MAML2: variants seen among roughly 807,000 people sequenced by gnomAD.
MAML2 encodes the protein mastermind-like protein 2.
A neutral mutation model predicts 96.1 loss-of-function variants in MAML2; 22 were observed. That is an observed-to-expected ratio of 0.23 (90% confidence interval 0.16 to 0.33). The LOEUF is 0.33. Ranked by LOEUF, MAML2 falls within the 10% of genes least tolerant of loss-of-function variation. MAML2 has a pLI of 1.00. For synonymous variants in MAML2, 561 were observed against 521.3 expected, an observed-to-expected ratio of 1.08 and a Z score of -1.04; for missense variants, 1,367 against 1,392.4, an observed-to-expected ratio of 0.98 and a Z score of 0.29.
At chr11:96,148,869 T>A (rs1860868688) in intron 1 of MAML2, among the ~76,000 whole-genome samples, 2 of 152,192 alleles carry the variant, frequency 1.3e-5, no homozygotes, top group Non-Finnish European at 2.9e-5. Flanking sequence ...CATCTACATT[T>A]TGACGAATGG....
intron 1 of MAML2, among the ~76,000 whole-genome samples, chr11:96,190,869 G>A (rs1489985841): frequency 1.3e-5 from 2 of 152,122 alleles, no homozygotes; most frequent in Non-Finnish European, 2.9e-5. Flanking sequence ...TGGGGTACAG[G>A]GAGTTTTAGC....
intron 2 of MAML2, among the ~76,000 whole-genome samples, chr11:96,035,087 G>C (rs919837932): frequency 1.3e-5 from 2 of 152,194 alleles, no homozygotes; most frequent in Non-Finnish European, 2.9e-5. Context: ...TGAGGAAGTG[G>C]AGGTGGAATT....
intron 1 of MAML2, among the ~76,000 whole-genome samples, chr11:96,336,944 AC>A (rs1192685399): frequency 6.6e-6 from 1 of 152,192 alleles, no homozygotes; most frequent in Non-Finnish European, 1.5e-5. Context: ...CCTTCTATAA[AC>A]AAACATTGTC....
intron 1 of MAML2, among the ~76,000 whole-genome samples, chr11:96,279,322 G>T (rs1035600454): frequency 1.3e-5 from 2 of 152,292 alleles, no homozygotes; most frequent in South Asian, 2.1e-4. Flanking sequence ...TAATATTTTC[G>T]TTATAAGGAG....
intron 1 of MAML2, among the ~76,000 whole-genome samples, chr11:96,250,213 G>A (rs36068004): frequency 0.014 from 2,061 of 151,434 alleles, 10 homozygotes; most frequent in Non-Finnish European, 0.022. Context: ...CAAATTATCT[G>A]CTTTTCTTTT....
At chr11:96,109,509 G>A (rs1480116794) in intron 1 of MAML2, among the ~76,000 whole-genome samples, 1 of 152,216 alleles carries the variant, frequency 6.6e-6, no homozygotes, top group African/African-American at 2.4e-5. Context: ...GGCTAAGGTG[G>A]TAGCAGCAGA....
At chr11:96,070,353 C>T (rs972063374) in intron 2 of MAML2, among the ~76,000 whole-genome samples, 4 of 152,182 alleles carry the variant, frequency 2.6e-5, no homozygotes, top group Non-Finnish European at 5.9e-5. Context: ...AAACATGCCC[C>T]TTGTTCACCA....
At chr11:96,220,402 G>A (rs1194688200) in intron 1 of MAML2, among the ~76,000 whole-genome samples, 1 of 152,110 alleles carries the variant, frequency 6.6e-6, no homozygotes. Context: ...ACCGGACATG[G>A]TGAGCCCTCC....
intron 1 of MAML2, among the ~76,000 whole-genome samples, chr11:96,113,939 T>TTAAAAA (rs1262469536): frequency 2.6e-5 from 4 of 151,658 alleles, no homozygotes; most frequent in East Asian, 1.9e-4. Context: ...ACTGGAAAAA[T>TTAAAAA]TAAAAATAAA....
intron 2 of MAML2, among the ~76,000 whole-genome samples, chr11:96,046,942 A>G (rs145453111): frequency 1.3e-3 from 203 of 152,300 alleles, no homozygotes; most frequent in African/African-American, 4.6e-3. Context: ...TTCCAACAAT[A>G]AGTTTGTTAG....
chr11:96,044,369 C>G (rs769314416), intron 2 of MAML2, among the ~76,000 whole-genome samples: 6 of 152,204 alleles, frequency 3.9e-5, no homozygotes, highest in Non-Finnish European at 7.3e-5. Context: ...TAAAGGTTCT[C>G]TGCTCCCAGT....
At chr11:96,274,295 G>T (rs1452080276) in intron 1 of MAML2, among the ~76,000 whole-genome samples, 1 of 151,982 alleles carries the variant, frequency 6.6e-6, no homozygotes, top group Non-Finnish European at 1.5e-5. Flanking sequence ...TGTTAGCCAG[G>T]ATGGTCTCGA....
chr11:96,067,930 C>T (rs1268905956), intron 2 of MAML2, among the ~76,000 whole-genome samples: 3 of 152,016 alleles, frequency 2.0e-5, no homozygotes, highest in African/African-American at 7.2e-5. Flanking sequence ...CTTTGTTGGC[C>T]TGAGGGTGGT....
chr11:95,989,123 T>C (rs1857871235), intron 3 of MAML2, among the ~76,000 whole-genome samples: 1 of 152,238 alleles, frequency 6.6e-6, no homozygotes, highest in South Asian at 2.1e-4. Flanking sequence ...GCTTCATTGG[T>C]AGGAGAATAA....
intron 2 of MAML2, among the ~76,000 whole-genome samples, chr11:96,004,330 G>T (rs938538519): frequency 6.6e-6 from 1 of 152,136 alleles, no homozygotes; most frequent in African/African-American, 2.4e-5. Context: ...TAAAGGGTTA[G>T]TTCTTAAATC....
intron 2 of MAML2, among the ~76,000 whole-genome samples, chr11:96,002,934 TG>T (rs1257805805): frequency 5.7e-5 from 8 of 139,274 alleles, no homozygotes; most frequent in African/African-American, 2.2e-4. Context: ...AGGAAGATGA[TG>T]GGGATGATAA....
chr11:96,052,131 T>C (rs185751258), intron 2 of MAML2, among the ~76,000 whole-genome samples: 93 of 152,360 alleles, frequency 6.1e-4, no homozygotes, highest in African/African-American at 2.2e-3. Context: ...TCAGTGGCTT[T>C]AGCACCTAGT....
At chr11:96,302,840 G>A (rs1358790593) in intron 1 of MAML2, among the ~76,000 whole-genome samples, 2 of 152,016 alleles carry the variant, frequency 1.3e-5, no homozygotes, top group Admixed American at 1.3e-4. Context: ...TACGCTCCAG[G>A]TTTTTCATAA....
intron 1 of MAML2, among the ~76,000 whole-genome samples, chr11:96,155,863 C>T (rs905176450): frequency 4.6e-5 from 7 of 151,998 alleles, no homozygotes; most frequent in East Asian, 3.9e-4. Flanking sequence ...GTGTCTGGGA[C>T]GTAACTGCAA....
Sources: allele counts gnomAD v4.1 joint callset (sites outside exome capture counted in the v4.1 genomes callset), GRCh38; gene constraint gnomAD v4.1.1; transcripts MANE v1.5; gene names NCBI Gene and HGNC (gene_info 2026-07-23, HGNC 2026-07-21).